LCA5: variants seen among roughly 807,000 people sequenced by gnomAD.
LCA5 encodes lebercilin LCA5, also known as lebercilin.
In LCA5, 37 loss-of-function variants were observed where a neutral mutation model predicts 53.0. The observed-to-expected ratio is 0.70, with a 90% confidence interval of 0.54 to 0.92. The LOEUF (loss-of-function observed/expected upper bound fraction) is 0.92, where lower values mean the gene tolerates loss of function less well. Ranked by LOEUF, LCA5 falls within the 40% of genes least tolerant of loss-of-function variation. LCA5 has a pLI of 0.00. For missense variants in LCA5, 806 were observed against 790.5 expected, an observed-to-expected ratio of 1.02 and a Z score of -0.23; for synonymous variants, 303 against 282.9, an observed-to-expected ratio of 1.07 and a Z score of -0.71.
chr6:79,515,054 TGTTTTCTCTACATTAATTACAA>T (rs1481117206), intron 2 of LCA5, among the ~76,000 whole-genome samples: 2 of 152,054 alleles, frequency 1.3e-5, no homozygotes, highest in Non-Finnish European at 2.9e-5. Flanking sequence ...AGAAAATGTA[TGTTTTCTCTACATTAATTACAA>T]CTTTCTCCAT....
intron 3 of LCA5, among the ~76,000 whole-genome samples, chr6:79,500,159 G>A (rs1369119858): frequency 3.3e-5 from 5 of 152,072 alleles, no homozygotes; most frequent in African/African-American, 1.2e-4. Flanking sequence ...GTAAACATAT[G>A]TGTGCATGTG....
rs555028745 is a variant in LCA5, at chr6:79,514,320, G to A, written c.191-579C>T. The stretch of plus-strand genomic sequence containing the variant: ...TAATGGGGTACAATGAGATACCGTC[G>A]CACATCAGTCAGAATGACTATTATT... On this transcript the variant is annotated intron_variant, in intron 2 of 7. Coordinates refer to ENST00000369846, the MANE Select transcript of LCA5 (RefSeq NM_001122769.3). 1.1e-4 allele frequency among the ~76,000 whole-genome samples: 17 copies of A among 152,026 alleles called. 1 individual carries two copies. Among genetic ancestry groups the A allele is most frequent in the South Asian group, 1.0e-3 (5 of 4,802 alleles).
chr6:79,493,774 G>A (rs1232954764), intron 3 of LCA5, 24 bp from the exon 4 acceptor site: 12 of 1,577,052 alleles, frequency 7.6e-6, no homozygotes, highest in Non-Finnish European at 1.0e-5. Flanking sequence ...TACATAAAAA[G>A]CAGTCCTTTA....
chr6:79,499,429 C>T (rs986734385), intron 3 of LCA5, among the ~76,000 whole-genome samples: 9 of 151,872 alleles, frequency 5.9e-5, no homozygotes, highest in Admixed American at 5.9e-4. Flanking sequence ...AGAAAAGATA[C>T]AAGGAAACTT....
chr6:79,488,509 GAAC>G (rs1210190819), intron 7 of LCA5: 1 of 154,066 alleles, frequency 6.5e-6, no homozygotes, highest in Non-Finnish European at 1.4e-5. Context: ...ATTCTATCAA[GAAC>G]AATATTGTAT....
rs377719240 is a variant in LCA5, at chr6:79,513,226, C to T, written c.706G>A (p.Glu236Lys). The change falls in exon 3 of 8, where the codon GAG (glutamate) becomes AAG (lysine). Residue 236 changes from glutamate to lysine, a missense_variant. Glu to Lys is a moderately conservative substitution (Grantham distance 56). Coordinates refer to ENST00000369846, the MANE Select transcript of LCA5 (RefSeq NM_001122769.3). ...AGAAATTGTACCTTAATTCTTCTCT[C>T]GGTGTCATCTAACTTTAACTCTGCT... The part of the protein sequence containing the change: ...VSAELKLDDT[E>K]RRIKELSKNL... The T allele has an allele frequency of 2.5e-5, 40 of 1,612,992 alleles. No homozygotes were observed. Among genetic ancestry groups the T allele is most frequent in the Admixed American group, 6.7e-5 (4 of 59,954 alleles).
In LCA5 at chr6:79,489,180, C is replaced by T; in HGVS notation, c.1135G>A (p.Ala379Thr). Residue 379 changes from alanine (A) to threonine (T), a missense_variant, in exon 7 of 8, where the codon GCA becomes ACA. Coordinates refer to ENST00000369846, the MANE Select transcript of LCA5 (RefSeq NM_001122769.3). ...QSQKQDRHGE[A>T]GILNPIMERE... Reference sequence around the variant, plus strand: ...TCCATAATTGGGTTTAGAATCCCTGCTTCTCCATGCCTGTCTTGCTTTTGA... The same window carrying T: ...TCCATAATTGGGTTTAGAATCCCTGTTTCTCCATGCCTGTCTTGCTTTTGA... The T allele has an allele frequency of 1.9e-6, 3 of 1,612,506 alleles. No individual in the cohort carries two copies. The highest frequency in any genetic ancestry group is 1.1e-5 in the South Asian group (1 of 91,060).
chr6:79,515,817 T>G (rs867989547), intron 2 of LCA5, among the ~76,000 whole-genome samples: 3 of 152,208 alleles, frequency 2.0e-5, no homozygotes, highest in Non-Finnish European at 4.4e-5. Flanking sequence ...GAATGTGTAC[T>G]GATTTGGGAT....
At chr6:79,526,637 G>T (rs1435229103) in intron 1 of LCA5, among the ~76,000 whole-genome samples, 1 of 152,056 alleles carries the variant, frequency 6.6e-6, no homozygotes, top group East Asian at 1.9e-4. Flanking sequence ...TACCTCAAAG[G>T]GTGTTAAGGG....
In LCA5 at chr6:79,513,712, G is replaced by A. The variant is rs777996740; in HGVS notation, c.220C>T (p.Pro74Ser). 8 of 1,613,508 alleles carry A rather than the reference G, an allele frequency of 5.0e-6. No individual in the cohort carries two copies. In the Admixed American group the frequency reaches 1.2e-4, roughly 24 times the overall value. ...CCCACTCGGACTCCCTTTCTGTTTG[G>A]TAGACCCTTAGGGCTTGGTTTCCGA... is the stretch of plus-strand genomic sequence containing the variant. ...APRKPSPKGL[P>S]NRKGVRVGFR... Residue 74 changes from proline (P) to serine (S), a missense_variant, in exon 3 of 8, where the codon CCA becomes TCA. By Grantham distance (74) the Pro-to-Ser change is moderately conservative (BLOSUM62 -1). Transcript: ENST00000369846.
Position 79,526,320 on chromosome 6 carries a change from G to A in LCA5, c.-191-7235C>T, listed in dbSNP as rs1423330980. 2.0e-5 allele frequency among the ~76,000 whole-genome samples: 3 copies of A among 152,076 alleles called. No individual in the cohort carries two copies. In the East Asian group the frequency reaches 5.8e-4, roughly 29 times the overall value. On this transcript the variant is annotated intron_variant, in intron 1 of 7. Coordinates refer to ENST00000369846, the MANE Select transcript of LCA5 (RefSeq NM_001122769.3). Reference sequence around the variant, plus strand: ...GCATTTTGGGAGGCCGACGCGGGTGGATCAACAAGGTCAGGAGATGGAGAC... The same window carrying A: ...GCATTTTGGGAGGCCGACGCGGGTGAATCAACAAGGTCAGGAGATGGAGAC...
rs376800219 is a variant in LCA5, at chr6:79,518,656, C to T, written c.190+49G>A. 19 of 1,562,250 alleles carry T rather than the reference C, an allele frequency of 1.2e-5. No homozygotes were observed. In the African/African-American group the frequency reaches 2.6e-4, roughly 21 times the overall value. ...CATGCACACACATTTTCCTTAAGCA[C>T]TCAAAATGAGTCTTCTAGGTCCACC... On this transcript the variant is annotated intron_variant, in intron 2 of 7. Coordinates refer to ENST00000369846, the MANE Select transcript of LCA5 (RefSeq NM_001122769.3).
chr6:79,538,490 C>T (rs1315947428), upstream of LCA5, among the ~76,000 whole-genome samples: 2 of 152,174 alleles, frequency 1.3e-5, no homozygotes, highest in Non-Finnish European at 2.9e-5. Flanking sequence ...CGAAATACAT[C>T]TGTACAAGAT....
chr6:79,529,555 A>G (rs543462168), intron 1 of LCA5, among the ~76,000 whole-genome samples: 1 of 152,140 alleles, frequency 6.6e-6, no homozygotes, highest in Non-Finnish European at 1.5e-5. Flanking sequence ...AGGTATCCTT[A>G]TAAGGGTAAC....
At chr6:79,509,902 G>A (rs1770365722) in intron 3 of LCA5, among the ~76,000 whole-genome samples, 1 of 152,106 alleles carries the variant, frequency 6.6e-6, no homozygotes, top group African/African-American at 2.4e-5. Flanking sequence ...GGAAGATTCA[G>A]CACAGTAAAG....
At chr6:79,527,467 C>T (rs1766825212) in intron 1 of LCA5, among the ~76,000 whole-genome samples, 1 of 152,122 alleles carries the variant, frequency 6.6e-6, no homozygotes, top group Non-Finnish European at 1.5e-5. Context: ...TAATACCTGC[C>T]CGGTCTTACC....
intron 3 of LCA5, among the ~76,000 whole-genome samples, chr6:79,502,903 C>A (rs1770180120): frequency 6.6e-6 from 1 of 152,002 alleles, no homozygotes; most frequent in African/African-American, 2.4e-5. Flanking sequence ...TTTCTTGAGA[C>A]AGAGTCTCAC....
At chr6:79,512,367 T>C (rs911510213) in intron 3 of LCA5, among the ~76,000 whole-genome samples, 1 of 152,090 alleles carries the variant, frequency 6.6e-6, no homozygotes, top group East Asian at 1.9e-4. Flanking sequence ...ACGGTGCATA[T>C]TTAATAAGTC....
chr6:79,489,214 G>A lies in LCA5; in HGVS notation c.1101C>T (p.Asp367=), dbSNP rs1769766843. ...GCCTGTCTTGCTTTTGAGATTGCAA[G>A]TCCTATTATACGTTAAAAAAAATGC... ...KWEEPGHLTL[D]LQSQKQDRHG... The change falls in exon 7 of 8, where the codon GAC becomes GAT. Residue 367 remains aspartate (D), a splice_region_variant and synonymous_variant. Transcript: ENST00000369846. The A allele has an allele frequency of 1.2e-6, 2 of 1,610,932 alleles. No individual in the cohort carries two copies. The highest frequency in any genetic ancestry group is 1.7e-6 in the Non-Finnish European group (2 of 1,179,450).
Sources: allele counts gnomAD v4.1 joint callset (sites outside exome capture counted in the v4.1 genomes callset), GRCh38; gene constraint gnomAD v4.1.1; transcripts MANE v1.5; gene names NCBI Gene and HGNC (gene_info 2026-07-23, HGNC 2026-07-21).